Variants in SCNN1D observed in about 807,000 individuals in gnomAD.
SCNN1D encodes the protein sodium channel epithelial 1 subunit delta.
Under a neutral mutation model 87.8 loss-of-function variants are expected in SCNN1D, and 104 were observed. That is an observed-to-expected ratio of 1.18 (90% CI 1.01 to 1.39). SCNN1D has a LOEUF of 1.39. Among genes scored for constraint, SCNN1D ranks in the 40% most tolerant of loss-of-function variants. The pLI, the probability that SCNN1D is intolerant of heterozygous loss-of-function variation, is 0.00. For synonymous variants in SCNN1D, 628 were observed against 481.2 expected, an observed-to-expected ratio of 1.31 and a Z score of -3.99; for missense variants, 1,324 against 1,093.9, an observed-to-expected ratio of 1.21 and a Z score of -2.97.
At chr1:1,286,334 G>A in intron 7 of SCNN1D, 56 bp downstream of exon 7, 1 of 1,383,780 alleles carries the variant, frequency 7.2e-7, no homozygotes, top group Admixed American at 2.1e-5. Context: ...TTGCCCCTGT[G>A]ACCGTCTCTA....
chr1:1,285,600 C>T lies in SCNN1D; in HGVS notation c.494C>T (p.Pro165Leu), dbSNP rs966491474. Reference sequence around the variant, plus strand: ...CCTGGGCCTGTGGCTCCCCAGAGGCCCTGCCACCTGAAGGGATGGCAGCAC... The same window carrying T: ...CCTGGGCCTGTGGCTCCCCAGAGGCTCTGCCACCTGAAGGGATGGCAGCAC... ...RSPGPVAPQRPCHLKGWQHRP... is the reference protein window; with the variant it reads ...RSPGPVAPQRLCHLKGWQHRP... Residue 165 changes from proline (P) to leucine (L), a missense_variant, in exon 6 of 18, where the codon CCC becomes CTC. Physicochemically the swap from Pro to Leu is moderately conservative, Grantham distance 98. Transcript: ENST00000379116. 7.8e-6 allele frequency: 12 copies of T among 1,544,584 alleles called. No homozygotes were observed. In the African/African-American group the frequency reaches 1.4e-4, roughly 18 times the overall value.
rs1359422788 is a variant in SCNN1D, at chr1:1,286,961, G to A, written c.1105G>A (p.Val369Met). 1 of 1,612,122 alleles carries A rather than the reference G, an allele frequency of 6.2e-7. No individual in the cohort carries two copies. Among genetic ancestry groups the A allele is most frequent in the Non-Finnish European group, 8.5e-7 (1 of 1,179,650 alleles). Residue 369 changes from valine (V) to methionine (M), a missense_variant, in exon 8 of 18, where the codon GTG (valine) becomes ATG (methionine). Val to Met is a conservative substitution (Grantham distance 21, BLOSUM62 1). Coordinates refer to ENST00000379116, the MANE Select transcript of SCNN1D (RefSeq NM_001130413.4). ...GAGCCACTCGGGCAGCCGGGTCAGA[G>A]TGGGGTTCAGACTGGTGAGTGTCCC... ...RLSHSGSRVR[V>M]GFRLCNSTGG...
rs1640451050 is a variant in SCNN1D at position 1,280,611 on chromosome 1, A to C, written c.-51A>C. On this transcript the variant is annotated 5_prime_UTR_variant, in exon 1 of 18. Coordinates refer to ENST00000379116, the MANE Select transcript of SCNN1D (RefSeq NM_001130413.4). ...ACTATAAATGCTTCTCATCAGACTCAAGGCCTGAGGTGATGCTGATGCTGT... is the reference window on the plus strand; with the variant it reads ...ACTATAAATGCTTCTCATCAGACTCCAGGCCTGAGGTGATGCTGATGCTGT... 1 of 696,626 alleles carries C rather than the reference A, an allele frequency of 1.4e-6. No individual in the cohort carries two copies. The highest frequency in any genetic ancestry group is 1.8e-5 in the African/African-American group (1 of 57,138). 43.2% of individuals were successfully genotyped at this position (696,626 alleles called of 1,614,324 possible).
At chr1:1,285,212 C>T (rs147687505) in intron 5 of SCNN1D, among the ~76,000 whole-genome samples, 101 of 152,336 alleles carry the variant, frequency 6.6e-4, no homozygotes, top group South Asian at 5.8e-3. Flanking sequence ...CAGAGTACCT[C>T]GGAGCAGGCT....
Position 1,291,300 on chromosome 1 carries a change from T to A in SCNN1D, c.2099T>A (p.Phe700Tyr). The change falls in exon 18 of 18, where the codon TTT (phenylalanine) becomes TAT (tyrosine). Residue 700 changes from phenylalanine to tyrosine, a missense_variant. Transcript: ENST00000379116. ...ATGGGCAGCCTCTGCAGCCTGTGGT[T>A]TGGGGCCTCCGTCCTCTCCCTCCTG... Reference protein sequence around the residue: ...SAMGSLCSLWFGASVLSLLEL... With the variant: ...SAMGSLCSLWYGASVLSLLEL... 2 of 1,580,132 alleles carry A rather than the reference T, an allele frequency of 1.3e-6. No homozygotes were observed. The highest frequency in any genetic ancestry group is 4.5e-5 in the East Asian group (2 of 44,302).
Position 1,290,208 on chromosome 1 carries a change from C to T in SCNN1D, c.1663-63C>T, listed in dbSNP as rs563541300. The T allele has an allele frequency of 1.0e-4, 128 of 1,226,084 alleles. 5 individuals carry two copies. The highest frequency in any genetic ancestry group is 3.4e-4 in the East Asian group (14 of 41,364). The allele number at this position is 1,226,084 out of a possible 1,614,324, so 76.0% of individuals were successfully genotyped here. A position where few individuals can be genotyped will look rare whatever the true frequency, so the allele number is the denominator to read the frequency against. The stretch of plus-strand genomic sequence containing the variant: ...CCCGTGTCCCTGCTCCGTCCCGTGT[C>T]TCTGCCCCGTCCCCCATGTCTCCGC... On this transcript the variant is annotated intron_variant, in intron 12 of 17. Transcript: ENST00000379116.
At chr1:1,286,313 GC>G in intron 7 of SCNN1D, 35 bp downstream of exon 7, 1 of 1,469,002 alleles carries the variant, frequency 6.8e-7, no homozygotes, top group Non-Finnish European at 9.2e-7. Flanking sequence ...AGGGGTGGCC[GC>G]CCCAGCTCCT....
chr1:1,283,809 C>T (rs1185316625), intron 4 of SCNN1D, among the ~76,000 whole-genome samples, 169 bp from the exon 5 acceptor site: 1 of 151,742 alleles, frequency 6.6e-6, no homozygotes, highest in Non-Finnish European at 1.5e-5. Flanking sequence ...GTCAGGACCC[C>T]AGGCCTCCCC....
In SCNN1D at chr1:1,290,687, A is replaced by G. The variant is rs536811867; in HGVS notation, c.1910A>G (p.Lys637Arg). The G allele has an allele frequency of 8.3e-5, 134 of 1,612,638 alleles. No individual in the cohort carries two copies. The South Asian group carries it at 1.4e-3, about 17-fold the overall frequency. The change falls in exon 15 of 18, where the codon AAG becomes AGG. Residue 637 changes from lysine (K) to arginine (R), a missense_variant. Lys to Arg is a conservative substitution (Grantham distance 26). Coordinates refer to ENST00000379116, the MANE Select transcript of SCNN1D (RefSeq NM_001130413.4). ...STGTSRWPSA[K>R]SAGWTLATLG... ...GGGACCTCCAGGTGGCCTTCCGCCA[A>G]GTCAGCTGTGAGTCCCCAAAGTGGT...
chr1:1,287,475 C>T lies in SCNN1D; in HGVS notation c.1311-33C>T, dbSNP rs756984079. The T allele has an allele frequency of 5.3e-6, 8 of 1,511,908 alleles. No individual in the cohort carries two copies. In the Middle Eastern group the frequency reaches 8.9e-4, roughly 169 times the overall value. 93.7% of individuals were successfully genotyped at this position (1,511,908 alleles called of 1,614,324 possible). On this transcript the variant is annotated intron_variant, in intron 9 of 17. Transcript: ENST00000379116. ...CAGCGTGACGGGCGCGGGCAGCCGA[C>T]ATTCAAGGTCTGAGCTTGGCTTCTC...
chr1:1,291,599 C>G lies in SCNN1D; in HGVS notation c.2398C>G (p.Leu800Val). The change falls in exon 18 of 18, where the codon CTG becomes GTG. Residue 800 changes from leucine to valine, a missense_variant. Coordinates refer to ENST00000379116, the MANE Select transcript of SCNN1D (RefSeq NM_001130413.4). ...SWAGPQPLET[L>V]DT ...GGCTGGGCCCCAGCCCCTTGAGACT[C>G]TGGACACCTGAACCAGACCTGCCAG... 2.6e-6 allele frequency: 4 copies of G among 1,535,594 alleles called. No homozygotes were observed. Among genetic ancestry groups the G allele is most frequent in the Non-Finnish European group, 3.5e-6 (4 of 1,139,534 alleles).
intron 12 of SCNN1D, among the ~76,000 whole-genome samples, chr1:1,288,291 CGTCCCGTGT>C (rs1640667764): frequency 2.4e-5 from 2 of 83,138 alleles, no homozygotes; most frequent in Non-Finnish European, 3.7e-5. Context: ...GTCTCTGCTC[CGTCCCGTGT>C]CTGCTCCGTC....
Position 1,291,741 on chromosome 1 carries a change from G to C in SCNN1D, c.*131G>C. On this transcript the variant is annotated 3_prime_UTR_variant, in exon 18 of 18. Coordinates refer to ENST00000379116, the MANE Select transcript of SCNN1D (RefSeq NM_001130413.4). ...CAGCACACGCGGCCGTGGGGAGGCA[G>C]GCACCGGGCATGTCGGCGCCTCTGG... The C allele has an allele frequency of 3.2e-6, 2 of 634,040 alleles. No homozygotes were observed. The highest frequency in any genetic ancestry group is 2.7e-5 in the South Asian group (1 of 36,410). The allele number at this position is 634,040 out of a possible 1,614,324, so 39.3% of individuals were successfully genotyped here. A position where few individuals can be genotyped will look rare whatever the true frequency, so the allele number is the denominator to read the frequency against.
In SCNN1D at chr1:1,291,506, A is replaced by G. The variant is rs757239063; in HGVS notation, c.2305A>G (p.Ser769Gly). ...CGGCACGTCAGATGACCCGGAGCCC[A>G]GCGGGCCTCATCTCCCACGGGTGAT... ...AGGTSDDPEP[S>G]GPHLPRVMLP... Residue 769 changes from serine to glycine, a missense_variant, in exon 18 of 18, where the codon AGC (serine) becomes GGC (glycine). Physicochemically the swap from Ser to Gly is moderately conservative, Grantham distance 56. Coordinates refer to ENST00000379116, the MANE Select transcript of SCNN1D (RefSeq NM_001130413.4). 1 of 1,608,894 alleles carries G rather than the reference A, an allele frequency of 6.2e-7. No individual in the cohort carries two copies. The highest frequency in any genetic ancestry group is 1.7e-5 in the Admixed American group (1 of 59,898).
Position 1,288,020 on chromosome 1 carries a change from ACCT to A in SCNN1D, c.1649_1651del (p.Ser550del), listed in dbSNP as rs748873437. 1.6e-5 allele frequency: 22 copies of A among 1,389,714 alleles called. 1 individual carries two copies. The highest frequency in any genetic ancestry group is 3.7e-5 in the South Asian group (3 of 80,616). 86.1% of individuals were successfully genotyped at this position (1,389,714 alleles called of 1,614,324 possible). On this transcript the variant is annotated inframe_deletion, in exon 12 of 18. Coordinates refer to ENST00000379116, the MANE Select transcript of SCNN1D (RefSeq NM_001130413.4). ...CGTGGAGGTGGAGCTGCTACACAAC[ACCT>A]CCTACACCAGGCAGGTGAGGCTGGG...
In SCNN1D at chr1:1,285,961, A is replaced by G. The variant is rs978190756; in HGVS notation, c.594A>G (p.Pro198=). Residue 198 remains proline (P), a synonymous_variant, in exon 7 of 18, where the codon CCA becomes CCG. Coordinates refer to ENST00000379116, the MANE Select transcript of SCNN1D (RefSeq NM_001130413.4). ...AAQTPPRPGP[P]SAPPPPPKEG... ...AGACGCCCCCCAGGCCGGGGCCACC[A>G]TCAGCACCACCACCACCACCCAAGG... 6.4e-7 allele frequency: 1 copy of G among 1,560,842 alleles called. No homozygotes were observed. The highest frequency in any genetic ancestry group is 8.7e-7 in the Non-Finnish European group (1 of 1,151,066).
At position 1,280,896 on chromosome 1, in the gene SCNN1D, A is replaced by C. The variant is rs1640456875; in HGVS notation, c.5+230A>C. Reference sequence around the variant, plus strand: ...ACCCTCAGCACCCACCCAGGCCAGCAGCCGGGGGCACCTTGGTGCCACCTT... The same window carrying C: ...ACCCTCAGCACCCACCCAGGCCAGCCGCCGGGGGCACCTTGGTGCCACCTT... On this transcript the variant is annotated intron_variant, in intron 1 of 17. Coordinates refer to ENST00000379116, the MANE Select transcript of SCNN1D (RefSeq NM_001130413.4). 5.1e-6 allele frequency: 3 copies of C among 583,258 alleles called. No homozygotes were observed. The South Asian group carries it at 6.5e-5, about 13-fold the overall frequency. The allele number at this position is 583,258 out of a possible 1,614,324, so 36.1% of individuals were successfully genotyped here. A position where few individuals can be genotyped will look rare whatever the true frequency, so the allele number is the denominator to read the frequency against.
At position 1,290,457 on chromosome 1, in the gene SCNN1D, G is replaced by T. The variant is rs751351397; in HGVS notation, c.1781-20G>T. ...GGGGGTCACAGCGAGCCTCACACAT[G>T]CCTCTGACCCCTCCCCAAGGACACT... On this transcript the variant is annotated intron_variant, in intron 13 of 17. Coordinates refer to ENST00000379116, the MANE Select transcript of SCNN1D (RefSeq NM_001130413.4). The T allele has an allele frequency of 6.2e-7, 1 of 1,612,432 alleles. No homozygotes were observed. Among genetic ancestry groups the T allele is most frequent in the East Asian group, 2.2e-5 (1 of 44,894 alleles).
rs1433516712 is a variant in SCNN1D, at chr1:1,286,257, T to C, written c.890T>C (p.Leu297Pro). Residue 297 changes from leucine (L) to proline (P), a missense_variant, in exon 7 of 18, where the codon CTG becomes CCG. Physicochemically the swap from Leu to Pro is moderately conservative, Grantham distance 98. Coordinates refer to ENST00000379116, the MANE Select transcript of SCNN1D (RefSeq NM_001130413.4). ...SERKLLPLVTLCDGNPRRPSP... is the reference protein window; with the variant it reads ...SERKLLPLVTPCDGNPRRPSP... ...CGCAAGCTGCTCCCGCTGGTCACCC[T>C]GTGTGACGGGAACCCACGTCGGTGA... 6 of 1,586,676 alleles carry C rather than the reference T, an allele frequency of 3.8e-6. No homozygotes were observed. The highest frequency in any genetic ancestry group is 1.1e-5 in the South Asian group (1 of 89,622).
Sources: gnomAD v4.1 joint callset for allele counts (sites outside exome capture counted in the v4.1 genomes callset) on GRCh38, gnomAD v4.1.1 for gene constraint, MANE v1.5 for transcripts, NCBI Gene and HGNC (gene_info 2026-07-23, HGNC 2026-07-21) for gene names.